The following UFD1 variants were observed in gnomAD, a reference collection of about 807,000 sequenced individuals.
The protein encoded by UFD1 is ubiquitin recognition factor in ER-associated degradation protein 1.
Under a neutral mutation model 45.9 loss-of-function variants are expected in UFD1, and 13 were observed. The observed-to-expected ratio is 0.28, with a 90% CI of 0.18 to 0.45. The LOEUF is 0.45. Among genes scored for constraint, UFD1 ranks in the 20% least tolerant of loss-of-function variants. The pLI, the probability that UFD1 is intolerant of heterozygous loss-of-function variation, is 1.00. For synonymous variants in UFD1, 128 were observed against 139.2 expected, an observed-to-expected ratio of 0.92 and a Z score of 0.56; for missense variants, 218 against 389.2, an observed-to-expected ratio of 0.56 and a Z score of 3.70.
rs1412659374 is a variant in UFD1, at chr22:19,449,989, G to C, written c.*681C>G. The stretch of plus-strand genomic sequence containing the variant: ...GGAGAGGAACATCTCTTTAGCATTT[G>C]TTCATTCTAACATTCACATGTTTGC... On this transcript the variant is annotated 3_prime_UTR_variant, in exon 12 of 12. Coordinates refer to ENST00000263202, the MANE Select transcript of UFD1 (RefSeq NM_005659.7). 2 of 152,206 alleles carry C rather than the reference G, an allele frequency of 1.3e-5. No homozygotes were observed. Among genetic ancestry groups the C allele is most frequent in the Non-Finnish European group, 2.9e-5 (2 of 68,042 alleles). The allele number at this position is 152,206 out of a possible 1,614,324, so 9.4% of individuals were successfully genotyped here.
chr22:19,451,047 C>T (rs1336003125), intron 11 of UFD1: 3 of 1,077,238 alleles, frequency 2.8e-6, no homozygotes, highest in Non-Finnish European at 3.4e-6. Flanking sequence ...TGGTTTGAGC[C>T]AGGGCCATAG....
At chr22:19,458,165 T>G (rs762790313) in intron 6 of UFD1, 26 bp from the exon 7 acceptor site, 63 of 1,613,396 alleles carry the variant, frequency 3.9e-5, no homozygotes, top group Non-Finnish European at 5.0e-5. Context: ...AGAAATCAGT[T>G]GGATGGTTTC....
chr22:19,450,694 C>A lies in UFD1; in HGVS notation c.900G>T (p.Leu300Phe). The change falls in exon 12 of 12, where the codon TTG becomes TTT. Residue 300 changes from leucine (L) to phenylalanine (F), a missense_variant. Leu to Phe is a conservative substitution (Grantham distance 22). Coordinates refer to ENST00000263202, the MANE Select transcript of UFD1 (RefSeq NM_005659.7). ...FVAFSGEGQS[L>F]RKKGRKP ...CTTAGGGCTTTCTTCCCTTTTTACG[C>A]AATGACTGTCCTTCTCCAGAGAAAG... 2 of 1,614,210 alleles carry A rather than the reference C, an allele frequency of 1.2e-6. No homozygotes were observed. Among genetic ancestry groups the A allele is most frequent in the Non-Finnish European group, 1.7e-6 (2 of 1,180,030 alleles).
At chr22:19,452,989 A>C (rs2089694799) in intron 11 of UFD1, 1 of 965,110 alleles carries the variant, frequency 1.0e-6, no homozygotes, top group African/African-American at 1.8e-5. Context: ...TTCCCTGATG[A>C]TTTCTGCTCC....
chr22:19,458,207 T>TA (rs1446333897), intron 6 of UFD1, 68 bp from the exon 7 acceptor site: 2 of 1,560,326 alleles, frequency 1.3e-6, no homozygotes, highest in African/African-American at 2.7e-5. Context: ...CTGTCCATGT[T>TA]ACTGTGGCTC....
chr22:19,467,650 T>A lies in UFD1; in HGVS notation c.422+223A>T, dbSNP rs2146301361. 3 of 611,912 alleles carry A rather than the reference T, an allele frequency of 4.9e-6. No homozygotes were observed. The East Asian group carries it at 1.1e-4, about 22-fold the overall frequency. 37.9% of individuals were successfully genotyped at this position (611,912 alleles called of 1,614,324 possible). On this transcript the variant is annotated intron_variant, in intron 5 of 11. Coordinates refer to ENST00000263202, the MANE Select transcript of UFD1 (RefSeq NM_005659.7). ...AAGAAGGGCTTCATTGTGGTCTCCA[T>A]GAAGTGTCTGGAAAGTGACAGAGGT...
At chr22:19,478,049 C>T (rs2146314319) in intron 1 of UFD1, among the ~76,000 whole-genome samples, 2 of 152,272 alleles carry the variant, frequency 1.3e-5, no homozygotes, top group Admixed American at 1.3e-4. Context: ...ACTAGCCAAC[C>T]TATGTAAGCC....
In UFD1 at chr22:19,456,607, C is replaced by A. The variant is rs1216527792; in HGVS notation, c.658G>T (p.Ala220Ser). Residue 220 changes from alanine to serine, a missense_variant, in exon 9 of 12, where the codon GCT (alanine) becomes TCT (serine). Transcript: ENST00000263202. ...TEGEADHSGY[A>S]GELGFRAFSG... ...CTCACGCGGAAGCCCAGCTCTCCAG[C>A]ATAGCCACTGTGGTCGGCTTCACCT... The A allele has an allele frequency of 6.2e-7, 1 of 1,614,208 alleles. No homozygotes were observed. The highest frequency in any genetic ancestry group is 2.2e-5 in the East Asian group (1 of 44,884).
At chr22:19,469,347 G>C (rs1027293013) in intron 4 of UFD1, among the ~76,000 whole-genome samples, 12 of 152,152 alleles carry the variant, frequency 7.9e-5, no homozygotes, top group African/African-American at 2.7e-4. Flanking sequence ...GGCCAGGGAT[G>C]GGGGGTGGCT....
chr22:19,457,077 T>C (rs1234656143), intron 7 of UFD1, 159 bp from the exon 8 acceptor site: 1 of 626,312 alleles, frequency 1.6e-6, no homozygotes, highest in Admixed American at 2.7e-5. Flanking sequence ...CGGTAGCATC[T>C]TACAAAATTA....
intron 5 of UFD1, 79 bp downstream of exon 5, chr22:19,467,794 C>T: frequency 1.9e-6 from 3 of 1,568,768 alleles, no homozygotes; most frequent in Non-Finnish European, 2.6e-6. Context: ...GGCACAGATT[C>T]AATACAGTAC....
intron 7 of UFD1, 178 bp from the exon 8 acceptor site, chr22:19,457,096 T>C: frequency 1.6e-6 from 1 of 609,502 alleles, no homozygotes; most frequent in Non-Finnish European, 2.9e-6. Flanking sequence ...TACAGTAAAG[T>C]ATTGCTGCCA....
At chr22:19,465,647 G>T in intron 5 of UFD1, 1 of 220,014 alleles carries the variant, frequency 4.5e-6, no homozygotes, top group Non-Finnish European at 9.2e-6. Context: ...GACCTTTTGG[G>T]GACATGGAAA....
chr22:19,452,975 CTA>C (rs2089694671), intron 11 of UFD1: 1 of 935,908 alleles, frequency 1.1e-6, no homozygotes, highest in African/African-American at 1.8e-5. Context: ...TTTGGGGAAA[CTA>C]TTTCCCTGAT....
intron 11 of UFD1, chr22:19,451,865 C>G (rs1434055196): frequency 1.0e-6 from 1 of 985,318 alleles, no homozygotes; most frequent in Admixed American, 6.1e-5. Flanking sequence ...CCTGGGCCTT[C>G]GCCCTGCCGT....
chr22:19,454,815 A>G lies in UFD1; in HGVS notation c.783T>C (p.Tyr261=), dbSNP rs773729986. ...AAGTTATCTTACCAAGTTTAAATTC[A>G]TAATTGGGAATTCCTCTGTAAGAAG... ...PGDIKRGIPN[Y]EFKLGKITFI... Residue 261 remains tyrosine (Y), a synonymous_variant, in exon 11 of 12, where the codon TAT becomes TAC. Coordinates refer to ENST00000263202, the MANE Select transcript of UFD1 (RefSeq NM_005659.7). 5 of 1,613,618 alleles carry G rather than the reference A, an allele frequency of 3.1e-6. No individual in the cohort carries two copies. Among genetic ancestry groups the G allele is most frequent in the East Asian group, 2.2e-5 (1 of 44,874 alleles).
At chr22:19,478,985 G>T in intron 1 of UFD1, 98 bp downstream of exon 1, 1 of 1,485,342 alleles carries the variant, frequency 6.7e-7, no homozygotes, top group East Asian at 2.6e-5. Context: ...GGGTGACTCG[G>T]CACCTCCGCC....
At position 19,479,122 on chromosome 22, in the gene UFD1, C is replaced by T; in HGVS notation, c.-37G>A. The T allele has an allele frequency of 6.2e-7, 1 of 1,609,696 alleles. No homozygotes were observed. The highest frequency in any genetic ancestry group is 1.3e-5 in the African/African-American group (1 of 74,972). ...CCTGGCAGACTCCGCTCCTCTCAGG[C>T]AATGCAACGAAGAAACCCCGCCGAC... On this transcript the variant is annotated 5_prime_UTR_variant, in exon 1 of 12. Transcript: ENST00000263202.
intron 4 of UFD1, among the ~76,000 whole-genome samples, chr22:19,468,227 T>G (rs1379896384): frequency 6.6e-6 from 1 of 152,202 alleles, no homozygotes. Context: ...TAGCTCACAG[T>G]GTGAACGCAT....
Sources: allele counts gnomAD v4.1 joint callset (sites outside exome capture counted in the v4.1 genomes callset), GRCh38; gene constraint gnomAD v4.1.1; transcripts MANE v1.5; gene names NCBI Gene and HGNC (gene_info 2026-07-23, HGNC 2026-07-21).